The following FYB1 variants were observed in gnomAD, a reference collection of about 807,000 sequenced individuals.
The protein encoded by FYB1 is FYN-binding protein 1.
A neutral mutation model predicts 94.1 loss-of-function variants in FYB1; 41 were observed. That is an observed-to-expected ratio of 0.44 (90% CI 0.34 to 0.57). FYB1 has a LOEUF of 0.57. FYB1 is among the 20% of genes least tolerant of loss of function. The probability of loss-of-function intolerance (pLI) is 0.02; values close to 1 mark genes in which losing one functional copy is unlikely to be tolerated. For synonymous variants in FYB1, 367 were observed against 353.2 expected (o/e 1.04, Z -0.44); for missense variants, 1,050 against 976.8 (o/e 1.07, Z -1.00).
intron 12 of FYB1, among the ~76,000 whole-genome samples, chr5:39,125,442 A>C (rs537880075): frequency 2.4e-4 from 36 of 152,348 alleles, no homozygotes; most frequent in African/African-American, 8.7e-4. Flanking sequence ...GAATACTTTT[A>C]GTATAGGAAA....
chr5:39,247,785 T>G (rs539589808), intron 1 of FYB1, among the ~76,000 whole-genome samples: 1 of 151,902 alleles, frequency 6.6e-6, no homozygotes, highest in Non-Finnish European at 1.5e-5. Context: ...ATCTAGTATA[T>G]GCCAGCACCA....
intron 16 of FYB1, among the ~76,000 whole-genome samples, chr5:39,115,285 G>C (rs1270482951): frequency 1.3e-5 from 2 of 151,960 alleles, no homozygotes; most frequent in South Asian, 2.1e-4. Context: ...AGTAGAGATG[G>C]TGTTTTGTCA....
At chr5:39,165,379 T>G (rs957649266) in intron 2 of FYB1, among the ~76,000 whole-genome samples, 2 of 152,114 alleles carry the variant, frequency 1.3e-5, no homozygotes, top group African/African-American at 4.8e-5. Context: ...GACAAAAATG[T>G]ACACTGGGGA....
chr5:39,133,345 C>T (rs1317048951), intron 9 of FYB1, among the ~76,000 whole-genome samples: 1 of 152,110 alleles, frequency 6.6e-6, no homozygotes, highest in Admixed American at 6.6e-5. Context: ...AAGTTCTGAA[C>T]TGGACCAGAG....
intron 1 of FYB1, among the ~76,000 whole-genome samples, chr5:39,229,747 G>A (rs912524876): frequency 6.6e-6 from 1 of 152,144 alleles, no homozygotes; most frequent in Non-Finnish European, 1.5e-5. Flanking sequence ...GGTTTAGAGA[G>A]GTAAAGTGAG....
chr5:39,234,222 G>T (rs778948927), intron 1 of FYB1, among the ~76,000 whole-genome samples: 15 of 152,014 alleles, frequency 9.9e-5, no homozygotes, highest in Non-Finnish European at 1.6e-4. Flanking sequence ...ATTCATCAAG[G>T]CTGTTTTTGT....
intron 2 of FYB1, among the ~76,000 whole-genome samples, chr5:39,172,289 T>C (rs1745320251): frequency 6.6e-6 from 1 of 152,006 alleles, no homozygotes; most frequent in South Asian, 2.1e-4. Context: ...CTACTAAATA[T>C]ACAAAAATCA....
intron 16 of FYB1, among the ~76,000 whole-genome samples, chr5:39,116,328 C>G (rs1318688922): frequency 2.0e-5 from 3 of 152,052 alleles, no homozygotes; most frequent in Non-Finnish European, 4.4e-5. Flanking sequence ...TGAGATGTAC[C>G]CCAAAGCCAT....
chr5:39,168,637 GC>G (rs1744958371), intron 2 of FYB1, among the ~76,000 whole-genome samples: 1 of 152,062 alleles, frequency 6.6e-6, no homozygotes, highest in African/African-American at 2.4e-5. Context: ...AGGTTTTACA[GC>G]TTCTAAGTCT....
In FYB1 at chr5:39,153,171, T is replaced by G. The variant is rs889122126; in HGVS notation, c.1292+277A>C. Among the ~76,000 whole-genome samples the G allele has an allele frequency of 9.2e-5, 14 of 152,250 alleles. 1 individual carries two copies. In the South Asian group the frequency reaches 2.9e-3, roughly 32 times the overall value. On this transcript the variant is annotated intron_variant, in intron 3 of 18. Coordinates refer to ENST00000512982, the MANE Select transcript of FYB1 (RefSeq NM_001465.6). The stretch of plus-strand genomic sequence containing the variant: ...GTGGTTCTCAAGAAAGCTTCAGAAC[T>G]TTTTAAAAAACAGTGGAAATTTGCT...
At position 39,237,317 on chromosome 5, in the gene FYB1, G is replaced by A. The variant is rs191277507; in HGVS notation, c.-27-34330C>T. On this transcript the variant is annotated intron_variant, in intron 1 of 1. Transcript: ENST00000510188. ...GACCGGCTTGCTGAAGATATTAGGT[G>A]CATACATGGAAGTAAAAGGGCAAAT... Among the ~76,000 whole-genome samples the A allele has an allele frequency of 1.8e-4, 27 of 152,118 alleles. 1 individual carries two copies. In the South Asian group the frequency reaches 5.4e-3, roughly 30 times the overall value.
intron 2 of FYB1, among the ~76,000 whole-genome samples, chr5:39,166,359 C>A (rs941023475): frequency 2.6e-5 from 4 of 151,924 alleles, no homozygotes; most frequent in African/African-American, 9.7e-5. Flanking sequence ...TAGCTTGAAC[C>A]CAGGAGGTGG....
intron 2 of FYB1, among the ~76,000 whole-genome samples, chr5:39,190,925 G>A (rs1031192877): frequency 6.6e-6 from 1 of 152,136 alleles, no homozygotes; most frequent in Admixed American, 6.5e-5. Flanking sequence ...CAATGACTGA[G>A]AGCACATGAG....
At position 39,147,452 on chromosome 5, in the gene FYB1, C is replaced by CTGTGTGTGTGTGTG. The variant is rs71606520; in HGVS notation, c.1292+5982_1292+5995dup. 2.5e-3 allele frequency among the ~76,000 whole-genome samples: 360 copies of CTGTGTGTGTGTGTG among 144,592 alleles called. 1 individual carries two copies. The highest frequency in any genetic ancestry group is 8.9e-3 in the African/African-American group (343 of 38,586). 94.9% of individuals were successfully genotyped at this position (144,592 alleles called of 152,430 possible). On this transcript the variant is annotated intron_variant, in intron 3 of 18. Transcript: ENST00000512982. ...CCCAGCTAAACTTTTGTACATATGC[C>CTGTGTGTGTGTGTG]TGTGTGTGTGTGTGTGTGTGTGTGT...
intron 14 of FYB1, among the ~76,000 whole-genome samples, chr5:39,120,399 A>G (rs1047185369): frequency 1.3e-5 from 2 of 152,152 alleles, no homozygotes; most frequent in African/African-American, 4.8e-5. Flanking sequence ...GTAGATACCA[A>G]TTATCCTAAT....
At chr5:39,135,223 G>A (rs1448726992) in intron 7 of FYB1, among the ~76,000 whole-genome samples, 1 of 152,180 alleles carries the variant, frequency 6.6e-6, no homozygotes, top group Non-Finnish European at 1.5e-5. Flanking sequence ...AGCTAAGACA[G>A]GTGAACATGT....
intron 16 of FYB1, among the ~76,000 whole-genome samples, chr5:39,111,608 T>A (rs1186147040): frequency 6.6e-6 from 1 of 151,770 alleles, no homozygotes; most frequent in Non-Finnish European, 1.5e-5. Flanking sequence ...ATCAAGAAGC[T>A]CACTACTTTT....
intron 16 of FYB1, among the ~76,000 whole-genome samples, chr5:39,111,900 A>G (rs1439722629): frequency 4.6e-5 from 7 of 152,104 alleles, no homozygotes; most frequent in Admixed American, 4.6e-4. Context: ...TTAATGCAAA[A>G]GTAGCAAAAA....
chr5:39,223,719 T>C (rs1022124749), upstream of FYB1, among the ~76,000 whole-genome samples: 1 of 152,202 alleles, frequency 6.6e-6, no homozygotes, highest in East Asian at 1.9e-4. Context: ...TCCACTTCTC[T>C]ATCTGGTGCA....
Sources: allele counts gnomAD v4.1 joint callset (sites outside exome capture counted in the v4.1 genomes callset), GRCh38; gene constraint gnomAD v4.1.1; transcripts MANE v1.5; gene names NCBI Gene and HGNC (gene_info 2026-07-23, HGNC 2026-07-21).